ARHGAP6: variants seen among roughly 807,000 people sequenced by gnomAD.
ARHGAP6 encodes the protein rho GTPase-activating protein 6.
A neutral mutation model predicts 55.7 loss-of-function variants in ARHGAP6; 16 were observed. The ratio of observed to expected loss-of-function variants is 0.29; its 90% CI spans 0.19 to 0.44. The LOEUF is 0.44. Ranked by LOEUF, ARHGAP6 falls within the 20% of genes least tolerant of loss-of-function variation. The pLI is 1.00. For missense variants in ARHGAP6, 698 were observed against 808.9 expected, an observed-to-expected ratio of 0.86 and a Z score of 1.66; for synonymous variants, 382 against 360.9, an observed-to-expected ratio of 1.06 and a Z score of -0.66.
At chrX:11,301,589 G>A (rs1238041621) in intron 1 of ARHGAP6, among the ~76,000 whole-genome samples, 1 of 111,322 alleles carries the variant, frequency 9.0e-6, no homozygotes, top group Non-Finnish European at 1.9e-5. Flanking sequence ...TTATTGGGAG[G>A]GTGTCAATAT....
intron 8 of ARHGAP6, among the ~76,000 whole-genome samples, chrX:11,174,574 C>CTTCCTTTCTTTCTTTCTT (rs1569241197): frequency 1.3e-3 from 56 of 43,561 alleles, no homozygotes; most frequent in Non-Finnish European, 1.6e-3. Context: ...TCCTTCCTTC[C>CTTCCTTTCTTTCTTTCTT]TTTCTTTCTT....
At chrX:11,461,597 G>A (rs1310575483) in intron 1 of ARHGAP6, among the ~76,000 whole-genome samples, 1 of 112,118 alleles carries the variant, frequency 8.9e-6, no homozygotes, top group Non-Finnish European at 1.9e-5. Flanking sequence ...TGACATACTT[G>A]TCTCTCTGAA....
At chrX:11,605,604 C>G (rs905204365) in intron 1 of ARHGAP6, among the ~76,000 whole-genome samples, 1 of 111,225 alleles carries the variant, frequency 9.0e-6, no homozygotes, top group Non-Finnish European at 1.9e-5. Context: ...TTTGGGTGCC[C>G]GACACTTTCT....
At chrX:11,329,361 A>C (rs1443026742) in intron 1 of ARHGAP6, among the ~76,000 whole-genome samples, 1 of 112,114 alleles carries the variant, frequency 8.9e-6, no homozygotes, top group African/African-American at 3.2e-5. Context: ...CAGCAGCCAC[A>C]GTTTGTTTAG....
chrX:11,298,849 T>A (rs2048130159), intron 1 of ARHGAP6: 1 of 1,208,210 alleles, frequency 8.3e-7, no homozygotes, highest in African/African-American at 1.8e-5. Context: ...GTGCACCCCA[T>A]GCAGCCCCTG....
intron 1 of ARHGAP6, among the ~76,000 whole-genome samples, chrX:11,363,251 T>C (rs1318987592): frequency 8.9e-6 from 1 of 111,832 alleles, no homozygotes; most frequent in African/African-American, 3.3e-5. Context: ...CCCACGTGCA[T>C]GGTGCAGTGC....
intron 1 of ARHGAP6, among the ~76,000 whole-genome samples, chrX:11,611,300 A>T (rs973456089): frequency 2.7e-5 from 3 of 112,404 alleles, no homozygotes; most frequent in African/African-American, 9.7e-5. Context: ...ATAATAAAAG[A>T]CACTTTACAA....
intron 1 of ARHGAP6, among the ~76,000 whole-genome samples, chrX:11,614,399 G>C (rs1410022283): frequency 1.8e-5 from 2 of 111,870 alleles, no homozygotes; most frequent in African/African-American, 3.3e-5. Flanking sequence ...ACCATTCATG[G>C]AGGAAGGTGA....
rs1392828276 is a variant in ARHGAP6, at chrX:11,262,784, G to T, written c.589-8077C>A. ...AATAAAAGTTGAGTCTCACTGGCATGGTGGTGAAGACTTGGATTCAGATAG... is the reference window on the plus strand; with the variant it reads ...AATAAAAGTTGAGTCTCACTGGCATTGTGGTGAAGACTTGGATTCAGATAG... On this transcript the variant is annotated intron_variant, in intron 1 of 12. Transcript: ENST00000337414. 3.6e-5 allele frequency among the ~76,000 whole-genome samples: 4 copies of T among 111,463 alleles called. No individual in the cohort carries two copies. The East Asian group carries it at 1.1e-3, about 32-fold the overall frequency.
intron 1 of ARHGAP6, among the ~76,000 whole-genome samples, chrX:11,488,828 C>T (rs2050537278): frequency 8.9e-6 from 1 of 111,733 alleles, no homozygotes; most frequent in Non-Finnish European, 1.9e-5. Flanking sequence ...CCCCCCACAA[C>T]CCTGGTCTGT....
At chrX:11,447,268 T>C (rs2050101418) in intron 1 of ARHGAP6, among the ~76,000 whole-genome samples, 1 of 112,458 alleles carries the variant, frequency 8.9e-6, no homozygotes, top group Non-Finnish European at 1.9e-5. Context: ...TGTCATCATT[T>C]ACAAGTTACT....
chrX:11,162,186 T>C (rs952390377), intron 9 of ARHGAP6, among the ~76,000 whole-genome samples: 5 of 110,596 alleles, frequency 4.5e-5, no homozygotes, highest in Non-Finnish European at 9.5e-5. Context: ...CTATTGAAAA[T>C]GGGTACATGA....
At chrX:11,459,185 A>G (rs956274795) in intron 1 of ARHGAP6, among the ~76,000 whole-genome samples, 6 of 111,913 alleles carry the variant, frequency 5.4e-5, no homozygotes, top group Non-Finnish European at 7.5e-5. Context: ...CACGGTAAAC[A>G]TTTATTTAGT....
At chrX:11,259,746 T>C (rs1207447195) in intron 1 of ARHGAP6, among the ~76,000 whole-genome samples, 1 of 111,644 alleles carries the variant, frequency 9.0e-6, no homozygotes, top group Non-Finnish European at 1.9e-5. Flanking sequence ...AAGCCACTCT[T>C]AGCCACTACA....
At chrX:11,462,441 G>T (rs1458100229) in intron 1 of ARHGAP6, among the ~76,000 whole-genome samples, 2 of 112,115 alleles carry the variant, frequency 1.8e-5, no homozygotes, top group African/African-American at 6.5e-5. Flanking sequence ...GTGTAGTAAT[G>T]GCGTCCTTGT....
chrX:11,320,176 G>C (rs1205050892), intron 1 of ARHGAP6, among the ~76,000 whole-genome samples: 1 of 111,400 alleles, frequency 9.0e-6, no homozygotes, highest in African/African-American at 3.3e-5. Context: ...TTTGATTTAA[G>C]CGTTCTGTTA....
intron 3 of ARHGAP6, among the ~76,000 whole-genome samples, chrX:11,191,529 C>T (rs746764125): frequency 1.8e-5 from 2 of 111,741 alleles, no homozygotes. Flanking sequence ...TAAATTTATT[C>T]AAGCAGCTAT....
At chrX:11,324,498 A>G (rs892275486) in intron 1 of ARHGAP6, among the ~76,000 whole-genome samples, 1 of 111,322 alleles carries the variant, frequency 9.0e-6, no homozygotes, top group African/African-American at 3.3e-5. Context: ...CTCTTATCAA[A>G]CAAGGGCAAT....
intron 1 of ARHGAP6, among the ~76,000 whole-genome samples, chrX:11,631,006 A>T (rs910350694): frequency 1.3e-4 from 14 of 110,761 alleles, no homozygotes; most frequent in Non-Finnish European, 1.1e-4. Context: ...TGTTTTTTTT[A>T]AAATGCTGGG....
Sources: allele counts gnomAD v4.1 joint callset (sites outside exome capture counted in the v4.1 genomes callset), GRCh38; gene constraint gnomAD v4.1.1; transcripts MANE v1.5; gene names NCBI Gene and HGNC (gene_info 2026-07-23, HGNC 2026-07-21).